OPCML: variants seen among roughly 807,000 people sequenced by gnomAD.
OPCML encodes opioid-binding protein/cell adhesion molecule.
In OPCML, 13 loss-of-function variants were observed where a neutral mutation model predicts 37.8. The observed-to-expected ratio is 0.34, with a 90% CI of 0.22 to 0.55. The LOEUF (loss-of-function observed/expected upper bound fraction) is 0.55, where lower values mean the gene tolerates loss of function less well. Ranked by LOEUF, OPCML falls within the 20% of genes least tolerant of loss-of-function variation. The pLI is 0.91. For missense variants in OPCML, 341 were observed against 435.6 expected (o/e 0.78, Z 1.93); for synonymous variants, 176 against 168.8 (o/e 1.04, Z -0.33).
At chr11:132,798,605 C>G (rs1938469228) in intron 2 of OPCML, among the ~76,000 whole-genome samples, 1 of 152,188 alleles carries the variant, frequency 6.6e-6, no homozygotes, top group Non-Finnish European at 1.5e-5. Flanking sequence ...CAGTTACTTT[C>G]TCCATTGAAG....
chr11:133,220,495 G>A (rs1313402987), intron 1 of OPCML, among the ~76,000 whole-genome samples: 2 of 152,172 alleles, frequency 1.3e-5, no homozygotes. Context: ...AGGCTCTGGA[G>A]TCCTGGGGAG....
intron 4 of OPCML, among the ~76,000 whole-genome samples, chr11:132,471,694 G>T (rs934940201): frequency 3.3e-5 from 5 of 152,204 alleles, no homozygotes; most frequent in Admixed American, 2.0e-4. Context: ...ACAAGGCCAT[G>T]CATTCCAGGA....
At chr11:132,480,488 G>A (rs2137012540) in intron 4 of OPCML, among the ~76,000 whole-genome samples, 1 of 152,256 alleles carries the variant, frequency 6.6e-6, no homozygotes, top group Admixed American at 6.5e-5. Context: ...AGCAAGGCAG[G>A]CCAACATTCA....
intron 1 of OPCML, among the ~76,000 whole-genome samples, chr11:133,047,319 C>T (rs1481287130): frequency 6.6e-6 from 1 of 152,254 alleles, no homozygotes; most frequent in African/African-American, 2.4e-5. Context: ...GGCATTTCTT[C>T]ATCGTGATGC....
rs989298981 is a variant in OPCML, at chr11:133,206,505, G to A, written c.62-263495C>T. On this transcript the variant is annotated intron_variant, in intron 1 of 7. Transcript: ENST00000524381. The surrounding 1 kb of genome is among the most constrained non-coding windows in gnomAD (Gnocchi z 4.7). ...TCTTCCGTTAAAGTTGTGAAAGCGT[G>A]TTAAGAGAGGAAGAGAAACACCCTG... Among the ~76,000 whole-genome samples, 4 of 152,218 alleles carry A rather than the reference G, an allele frequency of 2.6e-5. No homozygotes were observed. Among genetic ancestry groups the A allele is most frequent in the Non-Finnish European group, 4.4e-5 (3 of 68,040 alleles).
Position 133,528,088 on chromosome 11 carries a change from C to T in OPCML, c.61+4176G>A, listed in dbSNP as rs183918802. Among the ~76,000 whole-genome samples the T allele has an allele frequency of 1.8e-3, 276 of 152,304 alleles. 3 individuals carry two copies. The highest frequency in any genetic ancestry group is 6.2e-3 in the African/African-American group (258 of 41,582). On this transcript the variant is annotated intron_variant, in intron 1 of 7. Coordinates refer to ENST00000524381, the MANE Select transcript of OPCML (RefSeq NM_001012393.5). The stretch of plus-strand genomic sequence containing the variant: ...CAAGGGTGCTAAGAATTCGAGAAAG[C>T]ACAAAGGCAGACAGGACCGAGGGAA...
chr11:132,435,687 A>G (rs2096010690), intron 7 of OPCML, among the ~76,000 whole-genome samples: 1 of 152,234 alleles, frequency 6.6e-6, no homozygotes, highest in South Asian at 2.1e-4. Flanking sequence ...AAGCAACATG[A>G]GAATCATGAT....
chr11:132,993,232 T>A (rs1591888680), intron 1 of OPCML, among the ~76,000 whole-genome samples: 1 of 152,192 alleles, frequency 6.6e-6, no homozygotes, highest in East Asian at 1.9e-4. Flanking sequence ...CACATGCATG[T>A]GCTTACTATG....
At chr11:133,058,618 GAGGGACC>G in intron 1 of OPCML, among the ~76,000 whole-genome samples, 1 of 152,292 alleles carries the variant, frequency 6.6e-6, no homozygotes, top group Middle Eastern at 3.4e-3. Context: ...GGCAGCTCTG[GAGGGACC>G]AGGCATCTCG....
chr11:133,248,425 A>C (rs1025605425), intron 1 of OPCML, among the ~76,000 whole-genome samples: 3 of 152,250 alleles, frequency 2.0e-5, no homozygotes, highest in African/African-American at 7.2e-5. Flanking sequence ...AACATTTGAA[A>C]AAATTTGTAG....
chr11:133,318,126 G>A (rs1344125092), intron 1 of OPCML, among the ~76,000 whole-genome samples: 1 of 152,156 alleles, frequency 6.6e-6, no homozygotes, highest in Non-Finnish European at 1.5e-5. Context: ...CAGCACTTCT[G>A]CACTCTCCAT....
chr11:132,507,123 AT>A (rs1226009568), intron 4 of OPCML, among the ~76,000 whole-genome samples: 1 of 151,676 alleles, frequency 6.6e-6, no homozygotes, highest in Non-Finnish European at 1.5e-5. Flanking sequence ...AAAAAAAAAA[AT>A]TATACTGATA....
intron 3 of OPCML, among the ~76,000 whole-genome samples, chr11:132,550,332 T>C (rs2137425518): frequency 6.6e-6 from 1 of 152,288 alleles, no homozygotes; most frequent in South Asian, 2.1e-4. Flanking sequence ...GGATTTCTCA[T>C]GAATAGTTTA....
At chr11:133,473,649 C>T (rs1397950615) in intron 1 of OPCML, among the ~76,000 whole-genome samples, 1 of 152,136 alleles carries the variant, frequency 6.6e-6, no homozygotes, top group African/African-American at 2.4e-5. Context: ...CCCAACTGTT[C>T]CACAAAAGTC....
chr11:132,441,401 C>A (rs967263438), intron 4 of OPCML, among the ~76,000 whole-genome samples: 1 of 151,698 alleles, frequency 6.6e-6, no homozygotes, highest in Admixed American at 6.6e-5. Context: ...ATCTCCTGAC[C>A]TCGTGATCCG....
intron 1 of OPCML, among the ~76,000 whole-genome samples, chr11:133,148,499 G>A (rs1949929387): frequency 6.6e-6 from 1 of 152,178 alleles, no homozygotes; most frequent in Admixed American, 6.5e-5. Flanking sequence ...CACAGCCCTG[G>A]GCACTGGTTT....
At chr11:132,586,752 A>T (rs1179252014) in intron 3 of OPCML, among the ~76,000 whole-genome samples, 1 of 152,172 alleles carries the variant, frequency 6.6e-6, no homozygotes, top group Non-Finnish European at 1.5e-5. Flanking sequence ...GGCTCTGGTA[A>T]GGTGTGTTTA....
At chr11:133,147,288 A>G (rs958665927) in intron 1 of OPCML, among the ~76,000 whole-genome samples, 1 of 152,180 alleles carries the variant, frequency 6.6e-6, no homozygotes, top group Non-Finnish European at 1.5e-5. Context: ...AGAGGCAGGT[A>G]AAAGAAGACG....
rs564019166 is a variant in OPCML, at chr11:132,539,537, A to C, written c.380-10351T>G. On this transcript the variant is annotated intron_variant, in intron 3 of 7. Coordinates refer to ENST00000524381, the MANE Select transcript of OPCML (RefSeq NM_001012393.5). The stretch of plus-strand genomic sequence containing the variant: ...GCTGCTGCTGCTGCTGCTGCTGATG[A>C]TGATGATGATGAAGATCATGGTACT... Among the ~76,000 whole-genome samples the C allele has an allele frequency of 3.4e-3, 520 of 152,076 alleles. 3 individuals are homozygous for C. The highest frequency in any genetic ancestry group is 0.012 in the African/African-American group (491 of 41,354).
Sources: gnomAD v4.1 joint callset for allele counts (sites outside exome capture counted in the v4.1 genomes callset) on GRCh38, gnomAD v4.1.1 for gene constraint, Gnocchi (gnomAD v3.1) non-coding constraint, MANE v1.5 for transcripts, NCBI Gene and HGNC (gene_info 2026-07-23, HGNC 2026-07-21) for gene names.